The following CRYBG2 variants were observed in gnomAD, a reference collection of about 807,000 sequenced individuals.
The protein encoded by CRYBG2 is crystallin beta-gamma domain containing 2.
Under a neutral mutation model 153.4 loss-of-function variants are expected in CRYBG2, and 106 were observed. The ratio of observed to expected loss-of-function variants is 0.69; its 90% CI spans 0.59 to 0.81. The LOEUF (loss-of-function observed/expected upper bound fraction) is 0.81. Among genes scored for constraint, CRYBG2 ranks in the 30% least tolerant of loss-of-function variants. CRYBG2 has a pLI of 0.00. For missense variants in CRYBG2, 1,996 were observed against 2,112.0 expected (o/e 0.95, Z 1.08); for synonymous variants, 851 against 877.8 (o/e 0.97, Z 0.54).
At chr1:26,327,371 C>T (rs1352495569) in intron 17 of CRYBG2, among the ~76,000 whole-genome samples, 1 of 151,688 alleles carries the variant, frequency 6.6e-6, no homozygotes, top group Non-Finnish European at 1.5e-5. Context: ...GGGAGTCTGA[C>T]GCAGGAGAAT....
Position 26,342,788 on chromosome 1 carries a change from G to A in CRYBG2, c.3170C>T (p.Pro1057Leu), listed in dbSNP as rs748520917. Residue 1057 changes from proline to leucine, a missense_variant, in exon 5 of 20, where the codon CCC becomes CTC. Transcript: ENST00000308182. ...CCTCCTTAGGGAGCCGATGCCTTGG[G>A]GACTCCACTTTGTCCCTGGGGTTCT... ...ELRTPGTKWS[P>L]QGIGSLRRVV... The A allele has an allele frequency of 3.7e-6, 6 of 1,613,838 alleles. No homozygotes were observed. Among genetic ancestry groups the A allele is most frequent in the Admixed American group, 1.7e-5 (1 of 59,986 alleles).
Position 26,346,410 on chromosome 1 carries a change from T to C in CRYBG2, c.248A>G (p.Asp83Gly). 2 of 1,600,326 alleles carry C rather than the reference T, an allele frequency of 1.2e-6. No homozygotes were observed. The highest frequency in any genetic ancestry group is 1.7e-6 in the Non-Finnish European group (2 of 1,179,650). Residue 83 changes from aspartate to glycine, a missense_variant, in exon 2 of 20, where the codon GAT becomes GGT. Coordinates refer to ENST00000308182, the MANE Select transcript of CRYBG2 (RefSeq NM_001039775.4). This position sits in a 1 kb window ranked among gnomAD's most constrained non-coding sequence, Gnocchi z 4.9. ...EETVNCQGPR[D>G]TAGSKNFQSH... ...CTGGAAGTTCTTGGAGCCAGCTGTA[T>C]CCCGAGGGCCCTGGCAATTCACAGT...
At chr1:26,348,904 C>T (rs2074256252) in intron 1 of CRYBG2, among the ~76,000 whole-genome samples, 1 of 151,666 alleles carries the variant, frequency 6.6e-6, no homozygotes, top group Non-Finnish European at 1.5e-5. Context: ...TGCGGTGGCT[C>T]ACGCCTGTAA....
At position 26,346,720 on chromosome 1, in the gene CRYBG2, G is replaced by A; in HGVS notation, c.-55-8C>T. On this transcript the variant is annotated splice_polypyrimidine_tract_variant and splice_region_variant and intron_variant, in intron 1 of 19. Coordinates refer to ENST00000308182, the MANE Select transcript of CRYBG2 (RefSeq NM_001039775.4). The surrounding 1 kb of genome is among the most constrained non-coding windows in gnomAD (Gnocchi z 4.9). Reference sequence around the variant, plus strand: ...CCACTGTGGTCCAGCTCCCTGCAGAGGAATAAGAAAGATGAGGGTCAGAGG... The same window carrying A: ...CCACTGTGGTCCAGCTCCCTGCAGAAGAATAAGAAAGATGAGGGTCAGAGG... 6.9e-7 allele frequency: 1 copy of A among 1,447,418 alleles called. No homozygotes were observed. The highest frequency in any genetic ancestry group is 1.4e-5 in the African/African-American group (1 of 69,788). 89.7% of individuals were successfully genotyped at this position (1,447,418 alleles called of 1,614,324 possible).
chr1:26,347,294 T>G (rs1041339035), intron 1 of CRYBG2, among the ~76,000 whole-genome samples: 1 of 135,660 alleles, frequency 7.4e-6, no homozygotes, highest in Non-Finnish European at 1.6e-5. Context: ...GTTTTTTTTT[T>G]TTTTTTTTTT....
At position 26,343,218 on chromosome 1, in the gene CRYBG2, C is replaced by T. The variant is rs1039130929; in HGVS notation, c.2961+28G>A. On this transcript the variant is annotated intron_variant, in intron 3 of 19. Coordinates refer to ENST00000308182, the MANE Select transcript of CRYBG2 (RefSeq NM_001039775.4). The surrounding 1 kb of genome is among the most constrained non-coding windows in gnomAD (Gnocchi z 4.1). Reference sequence around the variant, plus strand: ...ACCCCAGGCCCCTGCATCCTGCTGCCCCCACCCACTTGCCCCCACAACCCT... The same window carrying T: ...ACCCCAGGCCCCTGCATCCTGCTGCTCCCACCCACTTGCCCCCACAACCCT... 4.5e-6 allele frequency: 7 copies of T among 1,550,480 alleles called. No homozygotes were observed. The African/African-American group carries it at 8.2e-5, about 18-fold the overall frequency.
In CRYBG2 at chr1:26,336,806, G is replaced by A; in HGVS notation, c.3911+35C>T. The A allele has an allele frequency of 1.3e-6, 2 of 1,553,042 alleles. No homozygotes were observed. Among genetic ancestry groups the A allele is most frequent in the Non-Finnish European group, 1.7e-6 (2 of 1,151,158 alleles). On this transcript the variant is annotated intron_variant, in intron 11 of 19. Coordinates refer to ENST00000308182, the MANE Select transcript of CRYBG2 (RefSeq NM_001039775.4). This position sits in a 1 kb window ranked among gnomAD's most constrained non-coding sequence, Gnocchi z 4.9. ...TCCTGGAACCGCCCCCGGCTCGCCC[G>A]GGCCCGCCCCGCTCCCGGAGCCCGG...
Position 26,346,505 on chromosome 1 carries a change from C to T in CRYBG2, c.153G>A (p.Gln51=), listed in dbSNP as rs755977314. The part of the protein sequence containing the change: ...LVSGAQMEAP[Q]KEMFEFSRRE... ...GACGGCTGAACTCAAACATCTCCTTCTGCGGGGCTTCCATCTGGGCCCCTG... is the reference window on the plus strand; with the variant it reads ...GACGGCTGAACTCAAACATCTCCTTTTGCGGGGCTTCCATCTGGGCCCCTG... Residue 51 remains glutamine, a synonymous_variant, in exon 2 of 20, where the codon CAG becomes CAA. Coordinates refer to ENST00000308182, the MANE Select transcript of CRYBG2 (RefSeq NM_001039775.4). The surrounding 1 kb of genome is among the most constrained non-coding windows in gnomAD (Gnocchi z 4.9). The T allele has an allele frequency of 6.2e-7, 1 of 1,613,086 alleles. No individual in the cohort carries two copies. The highest frequency in any genetic ancestry group is 1.7e-5 in the Admixed American group (1 of 59,978).
chr1:26,344,710 C>T lies in CRYBG2; in HGVS notation c.1948G>A (p.Gly650Ser), dbSNP rs1359923551. 4 of 1,534,180 alleles carry T rather than the reference C, an allele frequency of 2.6e-6. No homozygotes were observed. The highest frequency in any genetic ancestry group is 1.4e-5 in the African/African-American group (1 of 72,998). The change falls in exon 2 of 20, where the codon GGT (glycine) becomes AGT (serine). Residue 650 changes from glycine to serine, a missense_variant. Transcript: ENST00000308182. ...GGCGGGGCAAGGCTGCCTGCAATAC[C>T]CTGGACAGCCTCTTTTTGGATGCTA... ...SSSIQKEAVQ[G>S]IAGSLAPPLT...
rs751124330 is a variant in CRYBG2, at chr1:26,337,522, G to C, written c.3644+16C>G. ...CCAGAGGTGATGAAATAGAAGGAAG[G>C]GTCCTGAGTTCTCACCAGCCTCCGA... On this transcript the variant is annotated intron_variant, in intron 9 of 19. Transcript: ENST00000308182. 2.5e-6 allele frequency: 4 copies of C among 1,610,748 alleles called. No individual in the cohort carries two copies. Among genetic ancestry groups the C allele is most frequent in the Non-Finnish European group, 3.4e-6 (4 of 1,179,634 alleles).
At chr1:26,341,686 C>G (rs1211811146) in intron 5 of CRYBG2, among the ~76,000 whole-genome samples, 2 of 152,084 alleles carry the variant, frequency 1.3e-5, no homozygotes, top group African/African-American at 4.8e-5. Context: ...AGGGTTTCAC[C>G]ACGTTGGCTG....
At position 26,343,900 on chromosome 1, in the gene CRYBG2, C is replaced by T; in HGVS notation, c.2758G>A (p.Ala920Thr). The change falls in exon 2 of 20, where the codon GCC (alanine) becomes ACC (threonine). Residue 920 changes from alanine to threonine, a missense_variant. By Grantham distance (58) the Ala-to-Thr change is moderately conservative. Transcript: ENST00000308182. This position sits in a 1 kb window ranked among gnomAD's most constrained non-coding sequence, Gnocchi z 4.1. ...FGSLVPTAKE[A>T]STPEPLGTKL... ...GTGCCCAGCGGTTCCGGGGTGGAGG[C>T]CTCCTTGGCGGTAGGCACCAGACTG... 6.5e-7 allele frequency: 1 copy of T among 1,530,234 alleles called. No individual in the cohort carries two copies. The highest frequency in any genetic ancestry group is 1.7e-4 in the Middle Eastern group (1 of 5,892). 94.8% of individuals were successfully genotyped at this position (1,530,234 alleles called of 1,614,324 possible).
chr1:26,328,778 C>T lies in CRYBG2; in HGVS notation c.4410G>A (p.Glu1470=), dbSNP rs750522541. The T allele has an allele frequency of 1.2e-6, 2 of 1,614,136 alleles. No individual in the cohort carries two copies. Among genetic ancestry groups the T allele is most frequent in the African/African-American group, 1.3e-5 (1 of 75,044 alleles). The change falls in exon 16 of 20, where the codon GAG becomes GAA. Residue 1470 remains glutamate (E), a synonymous_variant. Coordinates refer to ENST00000308182, the MANE Select transcript of CRYBG2 (RefSeq NM_001039775.4). ...CAGACAGCACATGGTTGTTGAAGCC[C>T]TCGGCTTGCAGGCTCCGCACCTCCC... is the stretch of plus-strand genomic sequence containing the variant. ...LSREVRSLQA[E]GFNNHVLSVR...
rs2074161035 is a variant in CRYBG2, at chr1:26,343,664, A to G, written c.2913+81T>C. 1 of 1,412,418 alleles carries G rather than the reference A, an allele frequency of 7.1e-7. No homozygotes were observed. Among genetic ancestry groups the G allele is most frequent in the Admixed American group, 2.9e-5 (1 of 34,684 alleles). 87.5% of individuals were successfully genotyped at this position (1,412,418 alleles called of 1,614,324 possible). ...CCTCTGCCCCCAGACTCTGACTCCC[A>G]GCACCACTCTCTTCACACCACTCAA... On this transcript the variant is annotated intron_variant, in intron 2 of 19. Coordinates refer to ENST00000308182, the MANE Select transcript of CRYBG2 (RefSeq NM_001039775.4). This position sits in a 1 kb window ranked among gnomAD's most constrained non-coding sequence, Gnocchi z 4.1.
Position 26,331,471 on chromosome 1 carries a change from C to T in CRYBG2, c.4314+18G>A, listed in dbSNP as rs1297465466. On this transcript the variant is annotated intron_variant, in intron 15 of 19. Transcript: ENST00000308182. ...CTTCTGCTTCCGGGATTGCCTGGAACCAGACATGGAAACTCACCAGGGATA... is the reference window on the plus strand; with the variant it reads ...CTTCTGCTTCCGGGATTGCCTGGAATCAGACATGGAAACTCACCAGGGATA... The T allele has an allele frequency of 1.9e-6, 3 of 1,603,076 alleles. No homozygotes were observed. The highest frequency in any genetic ancestry group is 2.6e-6 in the Non-Finnish European group (3 of 1,171,456).
At position 26,344,442 on chromosome 1, in the gene CRYBG2, AC is replaced by A. The variant is rs2074176890; in HGVS notation, c.2215del (p.Val739SerfsTer101). ...CGTCTTGCCCTCGGTGGGATCAGAG[AC>A]AAGCTGGGACTCCGTGCTGGCCTCT... Reference protein sequence around the residue: ...GAEASTESQLVSDPTEGKTCT... With the variant: ...GAEASTESQLXSDPTEGKTCT... On this transcript the variant is annotated frameshift_variant, in exon 2 of 20. Coordinates refer to ENST00000308182, the MANE Select transcript of CRYBG2 (RefSeq NM_001039775.4). LOFTEE classifies it high-confidence loss of function. The A allele has an allele frequency of 6.6e-7, 1 of 1,524,742 alleles. No homozygotes were observed. Among genetic ancestry groups the A allele is most frequent in the Non-Finnish European group, 8.8e-7 (1 of 1,132,822 alleles). The allele number at this position is 1,524,742 out of a possible 1,614,324, so 94.5% of individuals were successfully genotyped here. A position where few individuals can be genotyped will look rare whatever the true frequency, so the allele number is the denominator to read the frequency against.
In CRYBG2 at chr1:26,325,475, G is replaced by A. The variant is rs565325114; in HGVS notation, c.4579-1165C>T. 4.6e-5 allele frequency among the ~76,000 whole-genome samples: 7 copies of A among 152,196 alleles called. No homozygotes were observed. Among genetic ancestry groups the A allele is most frequent in the South Asian group, 2.1e-4 (1 of 4,830 alleles). On this transcript the variant is annotated intron_variant, in intron 17 of 19. Coordinates refer to ENST00000308182, the MANE Select transcript of CRYBG2 (RefSeq NM_001039775.4). The surrounding 1 kb of genome is among the most constrained non-coding windows in gnomAD (Gnocchi z 4.1). The stretch of plus-strand genomic sequence containing the variant: ...CTCGGGAGGCTGAGGCAGGAGAATC[G>A]CTTGAACCCGGGAGATGTAGGTTGC...
intron 8 of CRYBG2, 126 bp downstream of exon 8, chr1:26,337,886 T>C: frequency 2.2e-6 from 3 of 1,358,424 alleles, no homozygotes; most frequent in Non-Finnish European, 3.0e-6. Context: ...TCAGGTCCCA[T>C]CCCCCCAGAC....
intron 17 of CRYBG2, chr1:26,326,956 A>G: frequency 4.0e-6 from 2 of 495,072 alleles, no homozygotes; most frequent in South Asian, 2.9e-5. Flanking sequence ...TCGTGGCAGG[A>G]TCAAGCCTGC....
Sources: allele counts gnomAD v4.1 joint callset (sites outside exome capture counted in the v4.1 genomes callset), GRCh38; gene constraint gnomAD v4.1.1; non-coding constraint Gnocchi (gnomAD v3.1); transcripts MANE v1.5; gene names NCBI Gene and HGNC (gene_info 2026-07-23, HGNC 2026-07-21).